The following SLITRK4 variants were observed in gnomAD, a reference collection of about 807,000 sequenced individuals.
The protein encoded by SLITRK4 is SLIT and NTRK like family member 4.
A neutral mutation model predicts 34.7 loss-of-function variants in SLITRK4; 7 were observed. That is an observed-to-expected ratio of 0.20 (90% CI 0.11 to 0.38). The LOEUF (loss-of-function observed/expected upper bound fraction) is 0.38, where lower values mean the gene tolerates loss of function less well. SLITRK4 is among the 10% of genes least tolerant of loss of function. The pLI, the probability that SLITRK4 is intolerant of heterozygous loss-of-function variation, is 1.00. For missense variants in SLITRK4, 474 were observed against 607.0 expected, an observed-to-expected ratio of 0.78 and a Z score of 2.30; for synonymous variants, 237 against 246.2, an observed-to-expected ratio of 0.96 and a Z score of 0.35.
rs1460502163 is a variant in SLITRK4 at position 143,626,246 on chromosome X, C to T, written c.*2349G>A. 2 of 111,208 alleles carry T rather than the reference C, an allele frequency of 1.8e-5. No homozygotes were observed. Among genetic ancestry groups the T allele is most frequent in the African/African-American group, 6.5e-5 (2 of 30,669 alleles). The allele number at this position is 111,208 out of a possible 1,213,427, so 9.2% of individuals were successfully genotyped here. A position where few individuals can be genotyped will look rare whatever the true frequency, so the allele number is the denominator to read the frequency against. On this transcript the variant is annotated 3_prime_UTR_variant, in exon 2 of 2. Coordinates refer to ENST00000356928, the MANE Select transcript of SLITRK4 (RefSeq NM_001184749.3). ...GAGCCCTTTAATCCATGGATGTGTG[C>T]ATGCATGGTAATGGCATATCAAAAG...
At chrX:143,635,711 G>C (rs1556431339) in intron 1 of SLITRK4, 24 bp downstream of exon 1, 1 of 110,581 alleles carries the variant, frequency 9.0e-6, no homozygotes, top group Non-Finnish European at 1.9e-5. Flanking sequence ...ATCATACTTG[G>C]ATTTTGTATC....
intron 1 of SLITRK4, among the ~76,000 whole-genome samples, chrX:143,632,785 T>C (rs1931082899): frequency 8.9e-6 from 1 of 111,828 alleles, no homozygotes; most frequent in African/African-American, 3.3e-5. Context: ...GAGAGCATGA[T>C]TGGCATTGCA....
rs782785829 is a variant in SLITRK4 at position 143,627,898 on chromosome X, A to AT, written c.*696dup. ...CACAAATGCTATCTAACTCACGTTG[A>AT]TTTTTTCTTTTAGATTTTTATGTAT... On this transcript the variant is annotated 3_prime_UTR_variant, in exon 2 of 2. Coordinates refer to ENST00000356928, the MANE Select transcript of SLITRK4 (RefSeq NM_001184749.3). The AT allele has an allele frequency of 1.3e-4, 21 of 164,349 alleles. No homozygotes were observed. Among genetic ancestry groups the AT allele is most frequent in the African/African-American group, 4.6e-4 (15 of 32,893 alleles). The allele number at this position is 164,349 out of a possible 1,213,427, so 13.5% of individuals were successfully genotyped here. A position where few individuals can be genotyped will look rare whatever the true frequency, so the allele number is the denominator to read the frequency against.
intron 1 of SLITRK4, chrX:143,634,258 C>T (rs1931149482): frequency 8.9e-6 from 1 of 112,513 alleles, no homozygotes; most frequent in Non-Finnish European, 1.9e-5. Context: ...ATCAGCTCAA[C>T]ATTTAGGCCC....
Position 143,627,587 on chromosome X carries a change from T to C in SLITRK4, c.*1008A>G, listed in dbSNP as rs1477687018. The C allele has an allele frequency of 8.9e-6, 1 of 111,794 alleles. No individual in the cohort carries two copies. The highest frequency in any genetic ancestry group is 1.9e-5 in the Non-Finnish European group (1 of 53,084). The allele number at this position is 111,794 out of a possible 1,213,427, so 9.2% of individuals were successfully genotyped here. A position where few individuals can be genotyped will look rare whatever the true frequency, so the allele number is the denominator to read the frequency against. On this transcript the variant is annotated 3_prime_UTR_variant, in exon 2 of 2. Coordinates refer to ENST00000356928, the MANE Select transcript of SLITRK4 (RefSeq NM_001184749.3). ...TCAGTTTAGTATATTTCTTTCTGTC[T>C]ACATTTATACTTACTGATAAATTCA...
Position 143,629,460 on chromosome X carries a change from C to T in SLITRK4, c.1649G>A (p.Ser550Asn), listed in dbSNP as rs1478319640. Reference sequence around the variant, plus strand: ...CAGTTCTTTCACAACAATCCCGTCGCTCAACTTCTCCACCCACAGCTTTAA... The same window carrying T: ...CAGTTCTTTCACAACAATCCCGTCGTTCAACTTCTCCACCCACAGCTTTAA... Reference protein sequence around the residue: ...VALKLWVEKLSDGIVVKELKC... With the variant: ...VALKLWVEKLNDGIVVKELKC... The change falls in exon 2 of 2, where the codon AGC becomes AAC. Residue 550 changes from serine to asparagine, a missense_variant. Physicochemically the swap from Ser to Asn is conservative, Grantham distance 46. Transcript: ENST00000356928. 8.3e-7 allele frequency: 1 copy of T among 1,211,802 alleles called. No individual in the cohort carries two copies. The highest frequency in any genetic ancestry group is 1.1e-6 in the Non-Finnish European group (1 of 895,571).
rs1556425245 is a variant in SLITRK4, at chrX:143,625,235, A to C, written c.*3360T>G. ...GAAAGATGGTCTTAAATAAATTTCT[A>C]ATTCATATATTTTTTCAGTCTATTC... is the stretch of plus-strand genomic sequence containing the variant. On this transcript the variant is annotated 3_prime_UTR_variant, in exon 2 of 2. Coordinates refer to ENST00000356928, the MANE Select transcript of SLITRK4 (RefSeq NM_001184749.3). 1 of 111,387 alleles carries C rather than the reference A, an allele frequency of 9.0e-6. No homozygotes were observed. The highest frequency in any genetic ancestry group is 2.8e-4 in the East Asian group (1 of 3,583). 9.2% of individuals were successfully genotyped at this position (111,387 alleles called of 1,213,427 possible).
rs1930706767 is a variant in SLITRK4, at chrX:143,624,019, C to A, written c.*4576G>T. ...CATATGCTATCTATACTGTTCACAC[C>A]TTCAGCATACCTATGTATACGTGTA... On this transcript the variant is annotated 3_prime_UTR_variant, in exon 2 of 2. Transcript: ENST00000356928. 1 of 111,883 alleles carries A rather than the reference C, an allele frequency of 8.9e-6. No homozygotes were observed. Among genetic ancestry groups the A allele is most frequent in the African/African-American group, 3.2e-5 (1 of 30,873 alleles). The allele number at this position is 111,883 out of a possible 1,213,427, so 9.2% of individuals were successfully genotyped here. A position where few individuals can be genotyped will look rare whatever the true frequency, so the allele number is the denominator to read the frequency against.
At position 143,624,825 on chromosome X, in the gene SLITRK4, A is replaced by G. The variant is rs1930732855; in HGVS notation, c.*3770T>C. ...GTCATTAAAACAGTTCTTTTCTGTG[A>G]TTTACATGAGCTTTTACAGCATTAC... On this transcript the variant is annotated 3_prime_UTR_variant, in exon 2 of 2. Transcript: ENST00000356928. 8.9e-6 allele frequency: 1 copy of G among 111,838 alleles called. No individual in the cohort carries two copies. Among genetic ancestry groups the G allele is most frequent in the Admixed American group, 9.5e-5 (1 of 10,515 alleles). 9.2% of individuals were successfully genotyped at this position (111,838 alleles called of 1,213,427 possible). A position where few individuals can be genotyped will look rare whatever the true frequency, so the allele number is the denominator to read the frequency against.
In SLITRK4 at chrX:143,627,258, T is replaced by G. The variant is rs1569477409; in HGVS notation, c.*1337A>C. On this transcript the variant is annotated 3_prime_UTR_variant, in exon 2 of 2. Coordinates refer to ENST00000356928, the MANE Select transcript of SLITRK4 (RefSeq NM_001184749.3). ...TGCATACAAGATATAACTATTAACCTTATTCATTATTTTTTAAATACTTGT... is the reference window on the plus strand; with the variant it reads ...TGCATACAAGATATAACTATTAACCGTATTCATTATTTTTTAAATACTTGT... The G allele has an allele frequency of 9.1e-6, 1 of 109,545 alleles. No individual in the cohort carries two copies. The highest frequency in any genetic ancestry group is 1.9e-5 in the Non-Finnish European group (1 of 52,578). 9.0% of individuals were successfully genotyped at this position (109,545 alleles called of 1,213,427 possible). A position where few individuals can be genotyped will look rare whatever the true frequency, so the allele number is the denominator to read the frequency against.
chrX:143,628,874 C>G lies in SLITRK4; in HGVS notation c.2235G>C (p.Glu745Asp), dbSNP rs1379294069. Residue 745 changes from glutamate (E) to aspartate (D), a missense_variant, in exon 2 of 2, where the codon GAG becomes GAC. Physicochemically the swap from Glu to Asp is conservative, Grantham distance 45 (BLOSUM62 2). Coordinates refer to ENST00000356928, the MANE Select transcript of SLITRK4 (RefSeq NM_001184749.3). ...DTRKRLSTID[E>D]LDELFPSRDS... ...CCCTGCTAGGGAATAATTCATCCAG[C>G]TCATCAATTGTGCTCAGTCTCTTCC... 1.7e-6 allele frequency: 2 copies of G among 1,210,156 alleles called. No homozygotes were observed. Among genetic ancestry groups the G allele is most frequent in the Non-Finnish European group, 2.2e-6 (2 of 895,207 alleles).
chrX:143,634,768 GTC>G (rs111405150), intron 1 of SLITRK4: 5 of 107,388 alleles, frequency 4.7e-5, no homozygotes, highest in African/African-American at 1.3e-4. Flanking sequence ...CTCTCTCTCT[GTC>G]TCTCTCTCAC....
chrX:143,627,874 A>G lies in SLITRK4; in HGVS notation c.*721T>C. 1 of 143,299 alleles carries G rather than the reference A, an allele frequency of 7.0e-6. No individual in the cohort carries two copies. The highest frequency in any genetic ancestry group is 1.4e-5 in the Non-Finnish European group (1 of 72,873). 11.8% of individuals were successfully genotyped at this position (143,299 alleles called of 1,213,427 possible). On this transcript the variant is annotated 3_prime_UTR_variant, in exon 2 of 2. Coordinates refer to ENST00000356928, the MANE Select transcript of SLITRK4 (RefSeq NM_001184749.3). The stretch of plus-strand genomic sequence containing the variant: ...ACGTCACATATTTCTTCAGATCATC[A>G]CAAATGCTATCTAACTCACGTTGAT...
chrX:143,628,282 G>A lies in SLITRK4; in HGVS notation c.*313C>T, dbSNP rs782797417. The A allele has an allele frequency of 2.3e-5, 7 of 301,604 alleles. No homozygotes were observed. Among genetic ancestry groups the A allele is most frequent in the Non-Finnish European group, 3.4e-5 (6 of 175,114 alleles). 24.9% of individuals were successfully genotyped at this position (301,604 alleles called of 1,213,427 possible). A position where few individuals can be genotyped will look rare whatever the true frequency, so the allele number is the denominator to read the frequency against. ...TTTGCTTTACAAAGCACAAAGAGAC[G>A]AAGGTTTTGCATTGGGGTACAAAAC... On this transcript the variant is annotated 3_prime_UTR_variant, in exon 2 of 2. Transcript: ENST00000356928.
At chrX:143,634,903 G>A (rs1569478756) in intron 1 of SLITRK4, 5 of 109,652 alleles carry the variant, frequency 4.6e-5, no homozygotes, top group African/African-American at 1.7e-4. Flanking sequence ...GTCTGGTGCA[G>A]GGCCCGCGGC....
In SLITRK4 at chrX:143,627,999, C is replaced by T. The variant is rs1930851429; in HGVS notation, c.*596G>A. On this transcript the variant is annotated 3_prime_UTR_variant, in exon 2 of 2. Transcript: ENST00000356928. Reference sequence around the variant, plus strand: ...ATGTTATATTTTAAACAAGTATTTGCACAAATTAACATTATAAATCCAGCG... The same window carrying T: ...ATGTTATATTTTAAACAAGTATTTGTACAAATTAACATTATAAATCCAGCG... The T allele has an allele frequency of 3.8e-6, 1 of 262,134 alleles. No individual in the cohort carries two copies. Among genetic ancestry groups the T allele is most frequent in the Admixed American group, 7.2e-5 (1 of 13,963 alleles). The allele number at this position is 262,134 out of a possible 1,213,427, so 21.6% of individuals were successfully genotyped here. A position where few individuals can be genotyped will look rare whatever the true frequency, so the allele number is the denominator to read the frequency against.
chrX:143,631,961 G>A (rs1931052797), intron 1 of SLITRK4, among the ~76,000 whole-genome samples: 1 of 112,188 alleles, frequency 8.9e-6, no homozygotes, highest in African/African-American at 3.2e-5. Context: ...AAGCAGCAGA[G>A]TAACCTGCTT....
Position 143,627,106 on chromosome X carries a change from G to A in SLITRK4, c.*1489C>T, listed in dbSNP as rs1930817408. The A allele has an allele frequency of 9.2e-6, 1 of 108,996 alleles. No homozygotes were observed. Among genetic ancestry groups the A allele is most frequent in the East Asian group, 2.9e-4 (1 of 3,483 alleles). 9.0% of individuals were successfully genotyped at this position (108,996 alleles called of 1,213,427 possible). On this transcript the variant is annotated 3_prime_UTR_variant, in exon 2 of 2. Coordinates refer to ENST00000356928, the MANE Select transcript of SLITRK4 (RefSeq NM_001184749.3). ...GGCATATCATTTGTAGTTGCAGACT[G>A]TGAACTCATCTGAAACCAATGCAAG...
At position 143,629,117 on chromosome X, in the gene SLITRK4, C is replaced by T. The variant is rs782765655; in HGVS notation, c.1992G>A (p.Met664Ile). 7.4e-6 allele frequency: 9 copies of T among 1,210,315 alleles called. No individual in the cohort carries two copies. The highest frequency in any genetic ancestry group is 1.0e-5 in the Non-Finnish European group (9 of 895,419). ...EGLGNPDCGS[M>I]QLQLRKHDHK... ...GGTCATGCTTCCTTAGCTGCAGCTG[C>T]ATGGAGCCACAGTCAGGATTCCCCA... The change falls in exon 2 of 2, where the codon ATG becomes ATA. Residue 664 changes from methionine to isoleucine, a missense_variant. Met to Ile is a conservative substitution (Grantham distance 10). Around this residue, in one of 3 missense-constraint regions of SLITRK4, gnomAD observed 345 missense variants for 406.5 expected, o/e 0.85. Transcript: ENST00000356928.
Sources: gnomAD v4.1 joint callset for allele counts (sites outside exome capture counted in the v4.1 genomes callset) on GRCh38, gnomAD v4.1.1 for gene constraint, gnomAD v4.1.1 regional missense constraint, MANE v1.5 for transcripts, NCBI Gene and HGNC (gene_info 2026-07-23, HGNC 2026-07-21) for gene names.